Variants in ST6GAL1 observed in about 807,000 individuals in gnomAD.
The protein encoded by ST6GAL1 is beta-galactoside alpha-2,6-sialyltransferase 1.
Under a neutral mutation model 38.0 loss-of-function variants are expected in ST6GAL1, and 20 were observed. The ratio of observed to expected loss-of-function variants is 0.53; its 90% confidence interval spans 0.37 to 0.77. The LOEUF is 0.77. Ranked by LOEUF, ST6GAL1 falls within the 30% of genes least tolerant of loss-of-function variation. The pLI is 0.00. For missense variants in ST6GAL1, 432 were observed against 496.4 expected (o/e 0.87, Z 1.23); for synonymous variants, 196 against 188.2 (o/e 1.04, Z -0.34).
chr3:186,947,981 C>T (rs576969209), intron 1 of ST6GAL1, among the ~76,000 whole-genome samples: 1 of 152,340 alleles, frequency 6.6e-6, no homozygotes, highest in South Asian at 2.1e-4. Flanking sequence ...CAAGAAACTG[C>T]TTCCCTGACT....
At chr3:186,975,070 T>C (rs1163374243) in intron 2 of ST6GAL1, 1 of 152,576 alleles carries the variant, frequency 6.6e-6, no homozygotes, top group African/African-American at 2.4e-5. Flanking sequence ...GTCTGCTGTT[T>C]ACAGTGCAAA....
At chr3:186,994,541 CATTT>C (rs1168190681) in intron 2 of ST6GAL1, among the ~76,000 whole-genome samples, 1 of 152,090 alleles carries the variant, frequency 6.6e-6, no homozygotes, top group Non-Finnish European at 1.5e-5. Flanking sequence ...GTTTAACTTT[CATTT>C]ACTGCACATG....
chr3:186,948,460 G>A (rs897112125), intron 1 of ST6GAL1, among the ~76,000 whole-genome samples: 11 of 152,086 alleles, frequency 7.2e-5, no homozygotes, highest in African/African-American at 1.4e-4. Flanking sequence ...CGTTTGCTCC[G>A]GGAAGGATCA....
intron 1 of ST6GAL1, among the ~76,000 whole-genome samples, chr3:186,940,286 TG>T (rs757481169): frequency 2.4e-5 from 3 of 124,988 alleles, no homozygotes; most frequent in Non-Finnish European, 5.4e-5. Context: ...ATAAATGAAA[TG>T]GTTTTTTTTT....
At chr3:187,042,576 C>G (rs1337809314) in intron 3 of ST6GAL1, 78 bp from the exon 4 acceptor site, 2 of 1,328,416 alleles carry the variant, frequency 1.5e-6, no homozygotes, top group Non-Finnish European at 2.1e-6. Flanking sequence ...AAATCTATTG[C>G]TCAGTCCATC....
At position 187,018,834 on chromosome 3, in the gene ST6GAL1, C is replaced by T. The variant is rs565173499; in HGVS notation, c.-182-19908C>T. 7.2e-5 allele frequency among the ~76,000 whole-genome samples: 11 copies of T among 152,326 alleles called. No individual in the cohort carries two copies. The South Asian group carries it at 2.3e-3, about 32-fold the overall frequency. On this transcript the variant is annotated intron_variant, in intron 2 of 7. Transcript: ENST00000169298. Reference sequence around the variant, plus strand: ...AGAATTGTGTCTATGGCTGTAATCACAAAGTTACGATTATTGGAGTAAGCT... The same window carrying T: ...AGAATTGTGTCTATGGCTGTAATCATAAAGTTACGATTATTGGAGTAAGCT...
chr3:187,000,454 C>T (rs1046684506), intron 2 of ST6GAL1, among the ~76,000 whole-genome samples: 24 of 151,412 alleles, frequency 1.6e-4, no homozygotes, highest in Admixed American at 1.4e-3. Context: ...CCCAGCTACT[C>T]GGGAGGCTGA....
rs1258582790 is a variant in ST6GAL1 at position 187,042,803 on chromosome 3, T to TA, written c.101dup (p.Tyr34Ter). The TA allele has an allele frequency of 6.2e-7, 1 of 1,614,194 alleles. No homozygotes were observed. The change falls in exon 4 of 8, where the codon TAC becomes TAAC. Residue 34 changes from tyrosine (Y) to a stop codon, truncating the protein, a stop_gained and frameshift_variant. Coordinates refer to ENST00000169298, the MANE Select transcript of ST6GAL1 (RefSeq NM_173216.2). LOFTEE classifies it high-confidence loss of function. Reference protein sequence around the residue: ...CVWKEKKKGSYYDSFKLQTKE... With the variant: ...CVWKEKKKGS ...GTGGAAGGAAAAGAAGAAAGGGAGT[T>TA]ACTATGATTCCTTTAAATTGCAAAC...
intron 2 of ST6GAL1, among the ~76,000 whole-genome samples, chr3:186,983,152 G>A (rs1715750231): frequency 6.6e-6 from 1 of 152,122 alleles, no homozygotes; most frequent in Non-Finnish European, 1.5e-5. Flanking sequence ...GTAATAATTA[G>A]CCAATAAAAT....
intron 1 of ST6GAL1, among the ~76,000 whole-genome samples, chr3:186,959,333 C>G (rs73069442): frequency 0.047 from 7,086 of 152,078 alleles, 196 homozygotes; most frequent in Admixed American, 0.067. Context: ...GGAGGCAGCT[C>G]TGGGAGGCAG....
chr3:186,954,508 T>C (rs751320493), intron 1 of ST6GAL1, among the ~76,000 whole-genome samples: 1 of 152,228 alleles, frequency 6.6e-6, no homozygotes, highest in Non-Finnish European at 1.5e-5. Flanking sequence ...TTCACGGCTT[T>C]ACTAATTGCC....
Position 187,043,063 on chromosome 3 carries a change from C to T in ST6GAL1, c.360C>T (p.Asn120=), listed in dbSNP as rs1284224444. 3.1e-6 allele frequency: 5 copies of T among 1,614,086 alleles called. No individual in the cohort carries two copies. Among genetic ancestry groups the T allele is most frequent in the Admixed American group, 1.7e-5 (1 of 60,002 alleles). The change falls in exon 4 of 8, where the codon AAC becomes AAT. Residue 120 remains asparagine (N), a synonymous_variant. Transcript: ENST00000169298. ...TCTGGAAGAATTACCTAAGCATGAA[C>T]AAGTACAAAGTGTCCTACAAGGGGC... ...QKIWKNYLSM[N]KYKVSYKGPG...
chr3:187,031,260 C>T (rs1376920719), intron 2 of ST6GAL1, among the ~76,000 whole-genome samples: 8 of 152,196 alleles, frequency 5.3e-5, no homozygotes, highest in South Asian at 2.1e-4. Context: ...TGCTGAAGAA[C>T]TTCTTGTGCA....
At chr3:186,987,196 G>GAGGGA (rs1553821959) in intron 2 of ST6GAL1, among the ~76,000 whole-genome samples, 18 of 100,456 alleles carry the variant, frequency 1.8e-4, no homozygotes, top group Non-Finnish European at 2.6e-4. Context: ...GGGAGGGAGG[G>GAGGGA]AGGGAAGGAA....
chr3:187,044,499 G>A (rs1331589777), intron 4 of ST6GAL1, among the ~76,000 whole-genome samples: 2 of 152,166 alleles, frequency 1.3e-5, no homozygotes, highest in Non-Finnish European at 2.9e-5. Context: ...CCCGCTGGCC[G>A]GCCCCACCTC....
intron 1 of ST6GAL1, among the ~76,000 whole-genome samples, chr3:186,939,565 G>A (rs983286320): frequency 6.6e-5 from 10 of 152,184 alleles, no homozygotes; most frequent in African/African-American, 2.2e-4. Flanking sequence ...TAAACATTTT[G>A]TGAGTATTAA....
rs768086412 is a variant in ST6GAL1 at position 187,042,936 on chromosome 3, T to G, written c.233T>G (p.Leu78Arg). The G allele has an allele frequency of 1.2e-6, 2 of 1,614,090 alleles. No individual in the cohort carries two copies. The highest frequency in any genetic ancestry group is 3.3e-5 in the Admixed American group (2 of 60,022). Residue 78 changes from leucine (L) to arginine (R), a missense_variant, in exon 4 of 8, where the codon CTC becomes CGC. Physicochemically the swap from Leu to Arg is moderately radical, Grantham distance 102. Coordinates refer to ENST00000169298, the MANE Select transcript of ST6GAL1 (RefSeq NM_173216.2). ...TQDPHRGRQT[L>R]GSLRGLAKAK... ...GACCCCCACAGGGGCCGCCAGACCC[T>G]CGGCAGTCTCAGAGGCCTAGCCAAG...
chr3:186,931,260 C>G (rs1713739707), intron 1 of ST6GAL1: 1 of 144,582 alleles, frequency 6.9e-6, no homozygotes, highest in Non-Finnish European at 1.5e-5. Flanking sequence ...GCACGTGCGC[C>G]CTGCCCGGAG....
At chr3:186,937,967 A>G (rs987971008) in intron 1 of ST6GAL1, among the ~76,000 whole-genome samples, 1 of 152,148 alleles carries the variant, frequency 6.6e-6, no homozygotes, top group Non-Finnish European at 1.5e-5. Flanking sequence ...CCAGTTACTC[A>G]GGAGGCTGAG....
Sources: allele counts gnomAD v4.1 joint callset (sites outside exome capture counted in the v4.1 genomes callset), GRCh38; gene constraint gnomAD v4.1.1; transcripts MANE v1.5; gene names NCBI Gene and HGNC (gene_info 2026-07-23, HGNC 2026-07-21).